The following CRTC3 variants were observed in gnomAD, a reference collection of about 807,000 sequenced individuals.
The protein encoded by CRTC3 is CREB regulated transcription coactivator 3, also known as CREB-regulated transcription coactivator 3.
CRTC3 carries 26 observed loss-of-function variants against 74.5 expected under a neutral mutation model. The ratio of observed to expected loss-of-function variants is 0.35; its 90% CI spans 0.26 to 0.48. The LOEUF (loss-of-function observed/expected upper bound fraction) is 0.48. CRTC3 is among the 20% of genes least tolerant of loss of function. CRTC3 has a pLI of 0.99. For synonymous variants in CRTC3, 377 were observed against 325.8 expected (o/e 1.16, Z -1.69); for missense variants, 760 against 787.3 (o/e 0.97, Z 0.41).
chr15:90,642,899 G>A lies in CRTC3; in HGVS notation c.*759G>A, dbSNP rs1179574184. 4.3e-6 allele frequency: 1 copy of A among 233,012 alleles called. No individual in the cohort carries two copies. Among genetic ancestry groups the A allele is most frequent in the Admixed American group, 5.6e-5 (1 of 17,758 alleles). 14.4% of individuals were successfully genotyped at this position (233,012 alleles called of 1,614,324 possible). A position where few individuals can be genotyped will look rare whatever the true frequency, so the allele number is the denominator to read the frequency against. ...AACTGTGCTCCTCCTCGGGGGCTGGGGAAGGAAGACAGGGACTGCAGGTGT... is the reference window on the plus strand; with the variant it reads ...AACTGTGCTCCTCCTCGGGGGCTGGAGAAGGAAGACAGGGACTGCAGGTGT... On this transcript the variant is annotated 3_prime_UTR_variant, in exon 15 of 15. Coordinates refer to ENST00000268184, the MANE Select transcript of CRTC3 (RefSeq NM_022769.5).
chr15:90,588,137 G>A (rs912930403), intron 2 of CRTC3, among the ~76,000 whole-genome samples: 1 of 151,900 alleles, frequency 6.6e-6, no homozygotes, highest in Non-Finnish European at 1.5e-5. Flanking sequence ...GCACATGCCT[G>A]TAATCCTAGC....
At chr15:90,623,974 C>T (rs1968739353) in intron 9 of CRTC3, among the ~76,000 whole-genome samples, 1 of 152,178 alleles carries the variant, frequency 6.6e-6, no homozygotes, top group Non-Finnish European at 1.5e-5. Flanking sequence ...TTAAACTAAG[C>T]TCAGATGTCC....
At chr15:90,591,439 C>G (rs1222458381) in intron 2 of CRTC3, among the ~76,000 whole-genome samples, 1 of 152,122 alleles carries the variant, frequency 6.6e-6, no homozygotes, top group East Asian at 1.9e-4. Context: ...AATAGGAAGT[C>G]TAAAAGACAT....
rs1212745724 is a variant in CRTC3 at position 90,546,423 on chromosome 15, C to A, written c.231+6286C>A. Among the ~76,000 whole-genome samples, 3 of 152,124 alleles carry A rather than the reference C, an allele frequency of 2.0e-5. No individual in the cohort carries two copies. In the East Asian group the frequency reaches 5.8e-4, roughly 29 times the overall value. The stretch of plus-strand genomic sequence containing the variant: ...TCTATCATTTTGCTAATACCATCTT[C>A]TGTGTCATTGGTTTCTTTGTCTATC... On this transcript the variant is annotated intron_variant, in intron 2 of 14. Coordinates refer to ENST00000268184, the MANE Select transcript of CRTC3 (RefSeq NM_022769.5).
At chr15:90,590,861 C>T (rs1421316064) in intron 2 of CRTC3, among the ~76,000 whole-genome samples, 2 of 152,228 alleles carry the variant, frequency 1.3e-5, no homozygotes, top group African/African-American at 4.8e-5. Flanking sequence ...GAGATTAACA[C>T]CCCACAACTG....
chr15:90,636,295 A>C (rs1268822385), intron 11 of CRTC3, among the ~76,000 whole-genome samples: 1 of 151,514 alleles, frequency 6.6e-6, no homozygotes, highest in Non-Finnish European at 1.5e-5. Flanking sequence ...TGACAAAAAC[A>C]AGAAATGGGG....
At chr15:90,633,717 G>A (rs900104816) in intron 11 of CRTC3, among the ~76,000 whole-genome samples, 3 of 148,480 alleles carry the variant, frequency 2.0e-5, no homozygotes, top group Non-Finnish European at 4.5e-5. Flanking sequence ...TTTCTCTCTG[G>A]AACTCTACGA....
intron 3 of CRTC3, chr15:90,598,565 C>CT: frequency 1.4e-6 from 1 of 701,398 alleles, no homozygotes; most frequent in Non-Finnish European, 2.6e-6. Context: ...TGGGATGACT[C>CT]TGAGATCCTA....
At chr15:90,553,982 C>T (rs1214536196) in intron 2 of CRTC3, among the ~76,000 whole-genome samples, 1 of 152,158 alleles carries the variant, frequency 6.6e-6, no homozygotes, top group Non-Finnish European at 1.5e-5. Context: ...GTGTGATGGG[C>T]AAAAGGGTCA....
At chr15:90,551,342 CT>C (rs67749879) in intron 2 of CRTC3, among the ~76,000 whole-genome samples, 1 of 3,884 alleles carries the variant, frequency 2.6e-4, no homozygotes, top group Non-Finnish European at 5.9e-4. Context: ...TTTTTCTGTG[CT>C]TCTTACTGTC....
chr15:90,585,108 G>A (rs1967629927), intron 2 of CRTC3, among the ~76,000 whole-genome samples: 1 of 152,172 alleles, frequency 6.6e-6, no homozygotes, highest in African/African-American at 2.4e-5. Context: ...AGTGGATTTA[G>A]AAGAATGTAA....
intron 2 of CRTC3, among the ~76,000 whole-genome samples, chr15:90,564,204 C>T (rs1020857177): frequency 2.6e-5 from 4 of 152,204 alleles, no homozygotes; most frequent in South Asian, 2.1e-4. Context: ...ACCAGCTCTC[C>T]GTCTGGCAGT....
In CRTC3 at chr15:90,643,607, G is replaced by A. The variant is rs972083485; in HGVS notation, c.*1467G>A. The A allele has an allele frequency of 4.3e-6, 1 of 230,780 alleles. No individual in the cohort carries two copies. Among genetic ancestry groups the A allele is most frequent in the Non-Finnish European group, 8.6e-6 (1 of 116,578 alleles). 14.3% of individuals were successfully genotyped at this position (230,780 alleles called of 1,614,324 possible). On this transcript the variant is annotated 3_prime_UTR_variant, in exon 15 of 15. Coordinates refer to ENST00000268184, the MANE Select transcript of CRTC3 (RefSeq NM_022769.5). ...TAGTAAAACGAAGGCCTAATTCATG[G>A]AAGCATCATTAGTCATCAATACCTT...
chr15:90,614,380 T>G (rs1968435915), intron 6 of CRTC3, 73 bp from the exon 7 acceptor site: 2 of 1,101,144 alleles, frequency 1.8e-6, no homozygotes, highest in Non-Finnish European at 2.7e-6. Context: ...AAAGAGTTAC[T>G]GATTCATAAA....
Position 90,529,956 on chromosome 15 carries a change from C to A in CRTC3, c.-116C>A. On this transcript the variant is annotated 5_prime_UTR_variant, in exon 1 of 15. Coordinates refer to ENST00000268184, the MANE Select transcript of CRTC3 (RefSeq NM_022769.5). Reference sequence around the variant, plus strand: ...GGCCGCGGCGGCTCCTCTGCCGGGTCGCGCCGGACGACTGGCTTCGGGCGG... The same window carrying A: ...GGCCGCGGCGGCTCCTCTGCCGGGTAGCGCCGGACGACTGGCTTCGGGCGG... The A allele has an allele frequency of 1.2e-6, 1 of 813,952 alleles. No individual in the cohort carries two copies. Among genetic ancestry groups the A allele is most frequent in the Non-Finnish European group, 1.5e-6 (1 of 651,464 alleles). The allele number at this position is 813,952 out of a possible 1,614,324, so 50.4% of individuals were successfully genotyped here.
chr15:90,597,155 C>T (rs537653425), intron 3 of CRTC3, among the ~76,000 whole-genome samples: 28 of 152,366 alleles, frequency 1.8e-4, no homozygotes, highest in African/African-American at 6.5e-4. Flanking sequence ...CCAGGGCTTG[C>T]TCCTGGCTGG....
chr15:90,553,586 C>T (rs1051148874), intron 2 of CRTC3, among the ~76,000 whole-genome samples: 4 of 152,042 alleles, frequency 2.6e-5, no homozygotes, highest in Admixed American at 6.6e-5. Flanking sequence ...ATAGAAGGGG[C>T]GGGGAAACGT....
At chr15:90,564,904 A>ACCTTCCTTCCTTCCTTCCTT (rs71154112) in intron 2 of CRTC3, among the ~76,000 whole-genome samples, 7 of 146,482 alleles carry the variant, frequency 4.8e-5, no homozygotes, top group Middle Eastern at 3.4e-3. Context: ...AATTTAACCA[A>ACCTTCCTTCCTTCCTTCCTT]CCTTCCTTCC....
At chr15:90,618,369 C>G (rs1186231142) in intron 8 of CRTC3, among the ~76,000 whole-genome samples, 1 of 152,184 alleles carries the variant, frequency 6.6e-6, no homozygotes, top group East Asian at 1.9e-4. Flanking sequence ...CCAGATAGCT[C>G]TTTTTAACTC....
Sources: gnomAD v4.1 joint callset for allele counts (sites outside exome capture counted in the v4.1 genomes callset) on GRCh38, gnomAD v4.1.1 for gene constraint, MANE v1.5 for transcripts, NCBI Gene and HGNC (gene_info 2026-07-23, HGNC 2026-07-21) for gene names.